Variants in DUS1L observed in about 807,000 individuals in gnomAD.
The protein encoded by DUS1L is dihydrouridine synthase 1 like.
A neutral mutation model predicts 61.2 loss-of-function variants in DUS1L; 56 were observed. That is an observed-to-expected ratio of 0.92 (90% CI 0.74 to 1.14). The LOEUF is 1.14. Ranked by LOEUF, DUS1L falls within the 50% of genes most tolerant of loss-of-function variation. The pLI, the probability that DUS1L is intolerant of heterozygous loss-of-function variation, is 0.00. For missense variants in DUS1L, 630 were observed against 632.4 expected, an observed-to-expected ratio of 1.00 and a Z score of 0.04; for synonymous variants, 278 against 259.5, an observed-to-expected ratio of 1.07 and a Z score of -0.69.
At chr17:82,064,797 C>T (rs778221759) in intron 2 of DUS1L, 26 bp downstream of exon 2, 4 of 1,583,600 alleles carry the variant, frequency 2.5e-6, no homozygotes, top group Non-Finnish European at 2.6e-6. Flanking sequence ...CCAACCGCGG[C>T]CGCGGCCACA....
chr17:82,058,072 T>G lies in DUS1L; in HGVS notation c.*43A>C. ...AAGGCATTTTCTTAAGTAGGACGTG[T>G]CCAGGCTCCAGCAGCAGTCCTGGGG... On this transcript the variant is annotated 3_prime_UTR_variant, in exon 14 of 14. Coordinates refer to ENST00000306796, the MANE Select transcript of DUS1L (RefSeq NM_022156.5). 2 of 1,492,608 alleles carry G rather than the reference T, an allele frequency of 1.3e-6. No individual in the cohort carries two copies. The highest frequency in any genetic ancestry group is 1.8e-6 in the Non-Finnish European group (2 of 1,118,912). 92.5% of individuals were successfully genotyped at this position (1,492,608 alleles called of 1,614,324 possible). A position where few individuals can be genotyped will look rare whatever the true frequency, so the allele number is the denominator to read the frequency against.
chr17:82,062,672 G>C (rs2033567182), intron 5 of DUS1L, among the ~76,000 whole-genome samples, 189 bp downstream of exon 5: 1 of 152,252 alleles, frequency 6.6e-6, no homozygotes, highest in Non-Finnish European at 1.5e-5. Context: ...CAGGAAAGCA[G>C]TTTCTGTTGT....
intron 5 of DUS1L, 100 bp downstream of exon 5, chr17:82,062,761 C>T (rs986523716): frequency 2.6e-5 from 28 of 1,084,390 alleles, no homozygotes; most frequent in Non-Finnish European, 3.4e-5. Flanking sequence ...CCCATGAGGC[C>T]GACGGTGCAC....
chr17:82,064,854 A>T lies in DUS1L; in HGVS notation c.206T>A (p.Val69Glu). ...GATGAGGGGCCGGTCCTCGGGGCAC[A>T]CCTCGCAGTACAGGTTCTCCTTCCG... ...NYRKENLYCEVCPEDRPLIVQ... is the reference protein window; with the variant it reads ...NYRKENLYCEECPEDRPLIVQ... The change falls in exon 2 of 14, where the codon GTG becomes GAG. Residue 69 changes from valine (V) to glutamate (E), a missense_variant. Coordinates refer to ENST00000306796, the MANE Select transcript of DUS1L (RefSeq NM_022156.5). The T allele has an allele frequency of 6.2e-7, 1 of 1,612,016 alleles. No homozygotes were observed. Among genetic ancestry groups the T allele is most frequent in the Non-Finnish European group, 8.5e-7 (1 of 1,179,696 alleles).
chr17:82,064,448 G>A (rs1342238617), intron 2 of DUS1L, among the ~76,000 whole-genome samples: 1 of 152,246 alleles, frequency 6.6e-6, no homozygotes, highest in Non-Finnish European at 1.5e-5. Context: ...TGTGGCAGAA[G>A]CCACAATCAC....
intron 1 of DUS1L, chr17:82,065,312 G>C (rs2033719317): frequency 2.1e-6 from 1 of 479,012 alleles, no homozygotes; most frequent in Non-Finnish European, 3.7e-6. Context: ...AGCGGGACTC[G>C]ATGTCGGCCT....
At chr17:82,058,304 G>A (rs771072775) in intron 13 of DUS1L, 37 bp downstream of exon 13, 3 of 1,530,758 alleles carry the variant, frequency 2.0e-6, no homozygotes, top group Non-Finnish European at 1.8e-6. Flanking sequence ...GAGGGGGTCT[G>A]TTTGCCTGCT....
At position 82,063,279 on chromosome 17, in the gene DUS1L, G is replaced by A; in HGVS notation, c.397+189C>T. ...ACTGTCTGGTTTTAAGGGGTGGGTG[G>A]TGCAGGACAGGCAACTTCACAGCCA... On this transcript the variant is annotated intron_variant, in intron 4 of 13. Coordinates refer to ENST00000306796, the MANE Select transcript of DUS1L (RefSeq NM_022156.5). 6.5e-6 allele frequency: 5 copies of A among 769,354 alleles called. No homozygotes were observed. The East Asian group carries it at 9.9e-5, about 15-fold the overall frequency. 47.7% of individuals were successfully genotyped at this position (769,354 alleles called of 1,614,324 possible). A position where few individuals can be genotyped will look rare whatever the true frequency, so the allele number is the denominator to read the frequency against.
Position 82,060,711 on chromosome 17 carries a change from T to C in DUS1L, c.1012A>G (p.Ile338Val), listed in dbSNP as rs1169908435. 1 of 1,612,824 alleles carries C rather than the reference T, an allele frequency of 6.2e-7. No individual in the cohort carries two copies. The highest frequency in any genetic ancestry group is 1.1e-5 in the South Asian group (1 of 91,020). The change falls in exon 10 of 14, where the codon ATC becomes GTC. Residue 338 changes from isoleucine to valine, a missense_variant. Physicochemically the swap from Ile to Val is conservative, Grantham distance 29 (BLOSUM62 3). Transcript: ENST00000306796. ...TGGCTGGGCTCTCACCCCGGCCGGA[T>C]GTAGGGCTGGCAGATCCAGTGGAAG... ...LPFHWICQPY[I>V]RPGPREGSKE...
At position 82,064,163 on chromosome 17, in the gene DUS1L, G is replaced by A. The variant is rs1316404902; in HGVS notation, c.309C>T (p.Asp103=). The change falls in exon 3 of 14, where the codon GAC becomes GAT. Residue 103 remains aspartate, a synonymous_variant. Transcript: ENST00000306796. ...LLAQDYCDAI[D]LNLGCPQMIA... is the part of the protein sequence containing the mutation. ...TCATCTGTGGGCAGCCCAAGTTCAG[G>A]TCAATGGCGTCACAGTAATCCTGAG... 1.2e-6 allele frequency: 2 copies of A among 1,612,870 alleles called. No individual in the cohort carries two copies. The highest frequency in any genetic ancestry group is 2.2e-5 in the East Asian group (1 of 44,882).
At position 82,064,863 on chromosome 17, in the gene DUS1L, T is replaced by C; in HGVS notation, c.197A>G (p.Tyr66Cys). The C allele has an allele frequency of 6.2e-7, 1 of 1,612,434 alleles. No homozygotes were observed. Among genetic ancestry groups the C allele is most frequent in the South Asian group, 1.1e-5 (1 of 91,048 alleles). ...RDANYRKENL[Y>C]CEVCPEDRPL... ...CCGGTCCTCGGGGCACACCTCGCAG[T>C]ACAGGTTCTCCTTCCGGTAGTTGGC... The change falls in exon 2 of 14, where the codon TAC (tyrosine) becomes TGC (cysteine). Residue 66 changes from tyrosine to cysteine, a missense_variant. Coordinates refer to ENST00000306796, the MANE Select transcript of DUS1L (RefSeq NM_022156.5).
chr17:82,058,068 C>A lies in DUS1L; in HGVS notation c.*47G>T. On this transcript the variant is annotated 3_prime_UTR_variant, in exon 14 of 14. Coordinates refer to ENST00000306796, the MANE Select transcript of DUS1L (RefSeq NM_022156.5). ...GTAAAAGGCATTTTCTTAAGTAGGA[C>A]GTGTCCAGGCTCCAGCAGCAGTCCT... 6.8e-7 allele frequency: 1 copy of A among 1,476,128 alleles called. No homozygotes were observed. Among genetic ancestry groups the A allele is most frequent in the Non-Finnish European group, 9.0e-7 (1 of 1,110,952 alleles). 91.4% of individuals were successfully genotyped at this position (1,476,128 alleles called of 1,614,324 possible). A position where few individuals can be genotyped will look rare whatever the true frequency, so the allele number is the denominator to read the frequency against.
chr17:82,059,888 CAG>C lies in DUS1L; in HGVS notation c.1168+58_1168+59del, dbSNP rs2033384801. ...AAGTCTGGGTTCCTGTTACTGGCAA[CAG>C]GGAGGATGGGGGTGATGAAGAGGCT... is the stretch of plus-strand genomic sequence containing the variant. On this transcript the variant is annotated intron_variant, in intron 11 of 13. Transcript: ENST00000306796. 5.0e-6 allele frequency: 8 copies of C among 1,603,712 alleles called. No homozygotes were observed. In the Middle Eastern group the frequency reaches 6.7e-4, roughly 134 times the overall value.
rs2033705279 is a variant in DUS1L, at chr17:82,065,071, TG to T, written c.-10-3del. ...TGCAGCTTTGGCATCGTCTCCAGGC[TG>T]GGGGAAAGGCGCAGACCCGGGGTTC... On this transcript the variant is annotated splice_region_variant and splice_polypyrimidine_tract_variant and intron_variant, in intron 1 of 13. Coordinates refer to ENST00000306796, the MANE Select transcript of DUS1L (RefSeq NM_022156.5). 2.5e-6 allele frequency: 4 copies of T among 1,582,844 alleles called. No homozygotes were observed. The highest frequency in any genetic ancestry group is 4.5e-5 in the East Asian group (2 of 44,460).
chr17:82,060,954 C>T lies in DUS1L; in HGVS notation c.850G>A (p.Val284Met), dbSNP rs979661358. The T allele has an allele frequency of 6.2e-7, 1 of 1,609,610 alleles. No homozygotes were observed. Among genetic ancestry groups the T allele is most frequent in the African/African-American group, 1.3e-5 (1 of 75,040 alleles). The change falls in exon 9 of 14, where the codon GTG (valine) becomes ATG (methionine). Residue 284 changes from valine (V) to methionine (M), a missense_variant. Transcript: ENST00000306796. Reference sequence around the variant, plus strand: ...AGCTCCTCTCGCAGCTCCTGGTGCACCTGCAGCCTGAGACAGAGGCCCTGT... The same window carrying T: ...AGCTCCTCTCGCAGCTCCTGGTGCATCTGCAGCCTGAGACAGAGGCCCTGT... ...LFKLWHHTLQVHQELREELAK... is the reference protein window; with the variant it reads ...LFKLWHHTLQMHQELREELAK...
chr17:82,062,453 G>T (rs2144738532), intron 5 of DUS1L, among the ~76,000 whole-genome samples: 1 of 152,366 alleles, frequency 6.6e-6, no homozygotes, highest in Non-Finnish European at 1.5e-5. Flanking sequence ...GGAGACAGCA[G>T]CCCATCCAGG....
At chr17:82,059,909 A>T in intron 11 of DUS1L, 39 bp downstream of exon 11, 1 of 1,611,428 alleles carries the variant, frequency 6.2e-7, no homozygotes, top group Non-Finnish European at 8.5e-7. Context: ...GGGGTGATGA[A>T]GAGGCTCTCT....
chr17:82,063,333 G>A lies in DUS1L; in HGVS notation c.397+135C>T, dbSNP rs2033602425. The A allele has an allele frequency of 2.4e-6, 3 of 1,224,770 alleles. No homozygotes were observed. In the South Asian group the frequency reaches 3.9e-5, roughly 16 times the overall value. 75.9% of individuals were successfully genotyped at this position (1,224,770 alleles called of 1,614,324 possible). On this transcript the variant is annotated intron_variant, in intron 4 of 13. Transcript: ENST00000306796. ...CCTTCCAGCAGAGAGGCTGCTGTGGGCAGGAAGCCCCAGGGTGATGCTGAG... is the reference window on the plus strand; with the variant it reads ...CCTTCCAGCAGAGAGGCTGCTGTGGACAGGAAGCCCCAGGGTGATGCTGAG...
intron 8 of DUS1L, 73 bp downstream of exon 8, chr17:82,061,136 G>A: frequency 6.4e-7 from 1 of 1,555,414 alleles, no homozygotes; most frequent in South Asian, 1.2e-5. Context: ...CCTGCAAAAT[G>A]CCCCAGGTGG....
Sources: allele counts gnomAD v4.1 joint callset (sites outside exome capture counted in the v4.1 genomes callset), GRCh38; gene constraint gnomAD v4.1.1; transcripts MANE v1.5; gene names NCBI Gene and HGNC (gene_info 2026-07-23, HGNC 2026-07-21).